PCDHA9: variants seen among roughly 807,000 people sequenced by gnomAD.
PCDHA9 encodes protocadherin alpha-9.
A neutral mutation model predicts 62.0 loss-of-function variants in PCDHA9; 62 were observed. That is an observed-to-expected ratio of 1.00 (90% CI 0.81 to 1.23). The LOEUF is 1.23. Among genes scored for constraint, PCDHA9 ranks in the 50% most tolerant of loss-of-function variants. PCDHA9 has a pLI of 0.00. For synonymous variants in PCDHA9, 557 were observed against 567.6 expected, an observed-to-expected ratio of 0.98 and a Z score of 0.27; for missense variants, 1,205 against 1,249.8, an observed-to-expected ratio of 0.96 and a Z score of 0.54.
At position 140,894,520 on chromosome 5, in the gene PCDHA9, C is replaced by T. The variant is rs377646516; in HGVS notation, c.2394+43631C>T. On this transcript the variant is annotated intron_variant, in intron 1 of 3. Coordinates refer to ENST00000532602, the MANE Select transcript of PCDHA9 (RefSeq NM_031857.2). ...AGGCATTATCCATAGTGTTTATATG[C>T]TGTTATGTGCCTTCTGGTTTAGTGT... is the stretch of plus-strand genomic sequence containing the variant. Among the ~76,000 whole-genome samples, 12 of 151,842 alleles carry T rather than the reference C, an allele frequency of 7.9e-5. No homozygotes were observed. In the East Asian group the frequency reaches 1.9e-3, roughly 24 times the overall value.
Position 140,895,072 on chromosome 5 carries a change from A to C in PCDHA9, c.2394+44183A>C, listed in dbSNP as rs974661383. On this transcript the variant is annotated intron_variant, in intron 1 of 3. Coordinates refer to ENST00000532602, the MANE Select transcript of PCDHA9 (RefSeq NM_031857.2). ...TCTGCTTCATATGGACTCAATTCCT[A>C]TCAGTTCCTCCTCAGTATAGGGGTT... 2.6e-5 allele frequency among the ~76,000 whole-genome samples: 4 copies of C among 152,208 alleles called. No homozygotes were observed. In the South Asian group the frequency reaches 6.2e-4, roughly 24 times the overall value.
chr5:140,882,152 GA>G, intron 1 of PCDHA9: 1 of 1,505,314 alleles, frequency 6.6e-7, no homozygotes, highest in East Asian at 2.3e-5. Flanking sequence ...GCAGAAAGCG[GA>G]ATACCTCTTG....
chr5:140,936,435 TTAAA>T (rs1554210994), intron 1 of PCDHA9, among the ~76,000 whole-genome samples: 2 of 152,222 alleles, frequency 1.3e-5, no homozygotes, highest in African/African-American at 4.8e-5. Flanking sequence ...TAATTTAAGC[TTAAA>T]TAACCACATC....
At chr5:140,858,554 A>T in intron 1 of PCDHA9, 1 of 1,391,946 alleles carries the variant, frequency 7.2e-7, no homozygotes, top group Non-Finnish European at 9.9e-7. Flanking sequence ...TTTATGCTTG[A>T]ATATTTCTAG....
intron 1 of PCDHA9, chr5:140,929,420 C>A: frequency 6.7e-7 from 1 of 1,502,700 alleles, no homozygotes; most frequent in Non-Finnish European, 8.9e-7. Context: ...CACAACATTT[C>A]ATCAATTGAA....
chr5:140,905,947 C>T (rs1210025825), intron 1 of PCDHA9, among the ~76,000 whole-genome samples: 7 of 152,124 alleles, frequency 4.6e-5, no homozygotes, highest in African/African-American at 9.7e-5. Context: ...ACTTGGAATC[C>T]GATGTTCAAG....
At chr5:140,912,174 A>G (rs2075803513) in intron 1 of PCDHA9, among the ~76,000 whole-genome samples, 1 of 152,166 alleles carries the variant, frequency 6.6e-6, no homozygotes, top group Non-Finnish European at 1.5e-5. Flanking sequence ...CTGTGCTGGC[A>G]GCTGATTAGA....
At position 140,848,735 on chromosome 5, in the gene PCDHA9, G is replaced by A. The variant is rs141612292; in HGVS notation, c.240G>A (p.Gln80=). Residue 80 remains glutamine, a synonymous_variant, in exon 1 of 4, where the codon CAG becomes CAA. Transcript: ENST00000532602. The part of the protein sequence containing the change: ...GRGDLLEVNL[Q]NGILFVNSRI... ...GGGACCTTCTGGAGGTAAATCTGCA[G>A]AATGGCATTTTGTTTGTGAATTCTC... 5.7e-6 allele frequency: 9 copies of A among 1,592,880 alleles called. No homozygotes were observed. In the African/African-American group the frequency reaches 1.1e-4, roughly 19 times the overall value.
intron 1 of PCDHA9, chr5:140,865,648 T>C (rs769799199): frequency 2.6e-5 from 4 of 152,194 alleles, no homozygotes; most frequent in Non-Finnish European, 4.4e-5. Flanking sequence ...AAATACATTA[T>C]TTCATTTAAT....
chr5:140,881,257 C>A, intron 1 of PCDHA9: 1 of 512,564 alleles, frequency 2.0e-6, no homozygotes, highest in Non-Finnish European at 2.5e-6. Context: ...CAAGGTTTTA[C>A]TCAGTGATGA....
At chr5:140,955,293 T>A (rs2095165956) in intron 1 of PCDHA9, among the ~76,000 whole-genome samples, 1 of 152,182 alleles carries the variant, frequency 6.6e-6, no homozygotes, top group Non-Finnish European at 1.5e-5. Flanking sequence ...ATGGTTTGGC[T>A]GTGTCCCCAC....
rs2150435239 is a variant in PCDHA9, at chr5:140,849,330, T to C, written c.835T>C (p.Tyr279His). Residue 279 changes from tyrosine to histidine, a missense_variant, in exon 1 of 4, where the codon TAC (tyrosine) becomes CAC (histidine). Transcript: ENST00000532602. Reference sequence around the variant, plus strand: ...CGAAGGCTTGAATGGGGATATTATTTACTCCTTCTCCAGTGATGTTTCTCC... The same window carrying C: ...CGAAGGCTTGAATGGGGATATTATTCACTCCTTCTCCAGTGATGTTTCTCC... ...LDEGLNGDII[Y>H]SFSSDVSPDI... 7 of 1,375,184 alleles carry C rather than the reference T, an allele frequency of 5.1e-6. No individual in the cohort carries two copies. In the South Asian group the frequency reaches 8.9e-5, roughly 17 times the overall value. 85.2% of individuals were successfully genotyped at this position (1,375,184 alleles called of 1,614,324 possible).
At chr5:140,969,149 G>A (rs782510891) in intron 1 of PCDHA9, 89 of 1,614,002 alleles carry the variant, frequency 5.5e-5, no homozygotes, top group Non-Finnish European at 6.8e-5. Context: ...CTGCTACAAG[G>A]CCTGTCTGAC....
chr5:140,856,499 T>A, intron 1 of PCDHA9: 1 of 1,598,458 alleles, frequency 6.3e-7, no homozygotes, highest in Non-Finnish European at 8.6e-7. Flanking sequence ...TGACTCTCGA[T>A]TTCCACTAGA....
intron 1 of PCDHA9, among the ~76,000 whole-genome samples, chr5:140,900,299 GAC>G (rs1372785177): frequency 6.6e-6 from 1 of 151,604 alleles, no homozygotes; most frequent in Non-Finnish European, 1.5e-5. Flanking sequence ...TGTTTTTTTA[GAC>G]AGTCTCACTT....
chr5:140,890,828 A>G (rs1554184556), intron 1 of PCDHA9, among the ~76,000 whole-genome samples: 1 of 152,180 alleles, frequency 6.6e-6, no homozygotes, highest in Non-Finnish European at 1.5e-5. Flanking sequence ...ATGTACTTAC[A>G]TATTTACCAG....
intron 1 of PCDHA9, chr5:140,868,773 G>A (rs1343929561): frequency 7.6e-6 from 2 of 262,984 alleles, no homozygotes; most frequent in African/African-American, 4.4e-5. Flanking sequence ...GTTTCAATAT[G>A]ACTTATAATC....
chr5:140,869,316 T>C (rs782789227), intron 1 of PCDHA9: 22 of 1,613,628 alleles, frequency 1.4e-5, no homozygotes, highest in South Asian at 4.4e-5. Flanking sequence ...CCAAAACACA[T>C]GGGGACCTTC....
chr5:140,883,451 T>A (rs2153394032), intron 1 of PCDHA9: 1 of 1,614,144 alleles, frequency 6.2e-7, no homozygotes, highest in Non-Finnish European at 8.5e-7. Context: ...GCATGTCCCC[T>A]TCAAGCTGGT....
Sources: gnomAD v4.1 joint callset for allele counts (sites outside exome capture counted in the v4.1 genomes callset) on GRCh38, gnomAD v4.1.1 for gene constraint, MANE v1.5 for transcripts, NCBI Gene and HGNC (gene_info 2026-07-23, HGNC 2026-07-21) for gene names.